The following WDR86 variants were observed in gnomAD, a reference collection of about 807,000 sequenced individuals.
The protein encoded by WDR86 is WD repeat-containing protein 86.
A neutral mutation model predicts 36.5 loss-of-function variants in WDR86; 30 were observed. The ratio of observed to expected loss-of-function variants is 0.82; its 90% confidence interval spans 0.61 to 1.11. The LOEUF (loss-of-function observed/expected upper bound fraction) is 1.11, where lower values mean the gene tolerates loss of function less well. Among genes scored for constraint, WDR86 ranks in the 50% most tolerant of loss-of-function variants. The pLI, the probability that WDR86 is intolerant of heterozygous loss-of-function variation, is 0.00. For missense variants in WDR86, 545 were observed against 561.2 expected (o/e 0.97, Z 0.29); for synonymous variants, 255 against 252.9 (o/e 1.01, Z -0.08).
intron 2 of WDR86, among the ~76,000 whole-genome samples, chr7:151,398,847 T>C (rs902530388): frequency 2.0e-5 from 3 of 152,168 alleles, no homozygotes; most frequent in Non-Finnish European, 4.4e-5. Flanking sequence ...GGCCCACTGG[T>C]CACTGCAGGC....
intron 1 of WDR86, among the ~76,000 whole-genome samples, chr7:151,400,782 T>C (rs1015877002): frequency 2.0e-5 from 3 of 152,184 alleles, no homozygotes; most frequent in African/African-American, 7.2e-5. Context: ...AGTAACCATG[T>C]CCTCAGGACG....
rs71198714 is a variant in WDR86 at position 151,402,047 on chromosome 7, C to CAAAA, written c.164-1810_164-1807dup. ...TGGGTGACAGAGCAAAACTCTGCCT[C>CAAAA]AAAAAAAAAAAAAAAAAAAAAAAAT... On this transcript the variant is annotated intron_variant, in intron 1 of 5. Coordinates refer to ENST00000334493, the MANE Select transcript of WDR86 (RefSeq NM_198285.3). Among the ~76,000 whole-genome samples, 11 of 14,934 alleles carry CAAAA rather than the reference C, an allele frequency of 7.4e-4. 1 individual carries two copies. Among genetic ancestry groups the CAAAA allele is most frequent in the Non-Finnish European group, 7.9e-4 (7 of 8,826 alleles). 9.8% of individuals were successfully genotyped at this position (14,934 alleles called of 152,430 possible). A position where few individuals can be genotyped will look rare whatever the true frequency, so the allele number is the denominator to read the frequency against.
At chr7:151,371,515 G>A (rs1797957714), downstream of WDR86, among the ~76,000 whole-genome samples, 2 of 152,178 alleles carry the variant, frequency 1.3e-5, no homozygotes, top group South Asian at 4.2e-4. Context: ...GCTCAGGCCT[G>A]TGGCAAGAGA....
In WDR86 at chr7:151,405,219, G is replaced by A. The variant is rs748049473; in HGVS notation, c.163+4208C>T. ...TGGGTTAGAAAAGAGGGAGCCCACC[G>A]TGGGTTCCGACAAGTGGGAGCCGCA... On this transcript the variant is annotated intron_variant, in intron 1 of 5. Transcript: ENST00000334493. This position sits in a 1 kb window ranked among gnomAD's most constrained non-coding sequence, Gnocchi z 4.7. Among the ~76,000 whole-genome samples, 17 of 151,430 alleles carry A rather than the reference G, an allele frequency of 1.1e-4. No homozygotes were observed. Among genetic ancestry groups the A allele is most frequent in the Admixed American group, 8.5e-4 (13 of 15,214 alleles).
At chr7:151,377,230 T>C (rs1179130590), downstream of WDR86, 1 of 1,518,956 alleles carries the variant, frequency 6.6e-7, no homozygotes, top group African/African-American at 1.4e-5. Flanking sequence ...AACTAAATAA[T>C]GAACAGAAAT....
intron 3 of WDR86, among the ~76,000 whole-genome samples, chr7:151,389,543 T>C (rs1799257859): frequency 6.6e-6 from 1 of 152,158 alleles, no homozygotes; most frequent in Non-Finnish European, 1.5e-5. Flanking sequence ...ACACGCTTCT[T>C]CGGCAAAACG....
In WDR86 at chr7:151,401,432, C is replaced by A. The variant is rs889688908; in HGVS notation, c.164-1191G>T. 3.9e-5 allele frequency among the ~76,000 whole-genome samples: 6 copies of A among 152,200 alleles called. No individual in the cohort carries two copies. Among genetic ancestry groups the A allele is most frequent in the Non-Finnish European group, 7.3e-5 (5 of 68,038 alleles). ...CCCTCCTCTCCTTCCCTCCTCATTTCTTTATCATCTCCTTTTAGTCTTTTT... is the reference window on the plus strand; with the variant it reads ...CCCTCCTCTCCTTCCCTCCTCATTTATTTATCATCTCCTTTTAGTCTTTTT... On this transcript the variant is annotated intron_variant, in intron 1 of 5. Coordinates refer to ENST00000334493, the MANE Select transcript of WDR86 (RefSeq NM_198285.3). This position sits in a 1 kb window ranked among gnomAD's most constrained non-coding sequence, Gnocchi z 4.3.
chr7:151,374,198 G>A, downstream of WDR86: 1 of 1,571,418 alleles, frequency 6.4e-7, no homozygotes, highest in Admixed American at 1.9e-5. Flanking sequence ...ACGCGGCCCA[G>A]CAGGTACTCC....
At chr7:151,408,062 T>C (rs1247626217) in intron 1 of WDR86, among the ~76,000 whole-genome samples, 1 of 152,164 alleles carries the variant, frequency 6.6e-6, no homozygotes, top group African/African-American at 2.4e-5. Flanking sequence ...GTGTGGCTGT[T>C]TGGGGGGGAT....
chr7:151,395,755 CG>C lies in WDR86; in HGVS notation c.726+20del. The stretch of plus-strand genomic sequence containing the variant: ...GACCTGGGCTCCCCTGGCTGCTGGG[CG>C]GGGACCAGGACAGTCTCACCTCCAG... On this transcript the variant is annotated intron_variant, in intron 3 of 5. Coordinates refer to ENST00000334493, the MANE Select transcript of WDR86 (RefSeq NM_198285.3). 1 of 1,530,408 alleles carries C rather than the reference CG, an allele frequency of 6.5e-7. No homozygotes were observed. The highest frequency in any genetic ancestry group is 1.4e-5 in the African/African-American group (1 of 72,892). The allele number at this position is 1,530,408 out of a possible 1,614,324, so 94.8% of individuals were successfully genotyped here.
At chr7:151,393,882 G>A (rs1799617858) in intron 3 of WDR86, among the ~76,000 whole-genome samples, 1 of 152,164 alleles carries the variant, frequency 6.6e-6, no homozygotes, top group Non-Finnish European at 1.5e-5. Context: ...GAGGGCCGGG[G>A]AGCGTGAAGA....
chr7:151,395,940 T>C lies in WDR86; in HGVS notation c.562A>G (p.Thr188Ala), dbSNP rs1438746269. 6.3e-7 allele frequency: 1 copy of C among 1,593,376 alleles called. No individual in the cohort carries two copies. Among genetic ancestry groups the C allele is most frequent in the East Asian group, 2.3e-5 (1 of 43,858 alleles). Reference protein sequence around the residue: ...WQVASGCCHQTLRGHTGAVLC... With the variant: ...WQVASGCCHQALRGHTGAVLC... ...ACTGCACCCGTGTGGCCCCGCAGCG[T>C]CTGGTGGCAGCAGCCGCTGGCCACC... Residue 188 changes from threonine (T) to alanine (A), a missense_variant, in exon 3 of 6, where the codon ACG (threonine) becomes GCG (alanine). Transcript: ENST00000334493.
downstream of WDR86, among the ~76,000 whole-genome samples, chr7:151,378,746 C>A (rs1219631236): frequency 6.6e-6 from 1 of 152,212 alleles, no homozygotes; most frequent in Non-Finnish European, 1.5e-5. Context: ...GACACAATGC[C>A]ACACTTGGAT....
At chr7:151,404,406 T>C (rs1311876193) in intron 1 of WDR86, among the ~76,000 whole-genome samples, 1 of 152,110 alleles carries the variant, frequency 6.6e-6, no homozygotes, top group African/African-American at 2.4e-5. Flanking sequence ...CACGCCCAAG[T>C]GAGTCACGGG....
intron 1 of WDR86, among the ~76,000 whole-genome samples, chr7:151,404,451 C>T (rs954493777): frequency 6.6e-6 from 1 of 152,170 alleles, no homozygotes; most frequent in Non-Finnish European, 1.5e-5. Context: ...TCCCCAACCC[C>T]AACCCCTATG....
In WDR86 at chr7:151,406,693, C is replaced by T. The variant is rs541917612; in HGVS notation, c.163+2734G>A. Among the ~76,000 whole-genome samples, 19 of 152,242 alleles carry T rather than the reference C, an allele frequency of 1.2e-4. No homozygotes were observed. The highest frequency in any genetic ancestry group is 3.9e-4 in the African/African-American group (16 of 41,544). On this transcript the variant is annotated intron_variant, in intron 1 of 5. Transcript: ENST00000334493. The surrounding 1 kb of genome is among the most constrained non-coding windows in gnomAD (Gnocchi z 4.4). ...CAAGTCCTGCCACCGCACCACGCCT[C>T]GAGGGATGTTGGCGACAGCACCCAC...
intron 2 of WDR86, among the ~76,000 whole-genome samples, chr7:151,397,363 C>G (rs984453985): frequency 2.0e-5 from 3 of 152,238 alleles, no homozygotes; most frequent in African/African-American, 4.8e-5. Context: ...CAAATGCCAA[C>G]TATCCCTTTC....
At chr7:151,369,913 C>T in the WDR86 span, among the ~76,000 whole-genome samples, 1 of 152,192 alleles carries the variant, frequency 6.6e-6, no homozygotes, top group Non-Finnish European at 1.5e-5. Context: ...TGTTTGCCTA[C>T]CTGATGCCAG....
rs1412099184 is a variant in WDR86 at position 151,395,807 on chromosome 7, C to T, written c.695G>A (p.Arg232Gln). 2.0e-5 allele frequency: 31 copies of T among 1,568,448 alleles called. No homozygotes were observed. The highest frequency in any genetic ancestry group is 3.7e-5 in the Admixed American group (2 of 53,712). Residue 232 changes from arginine to glutamine, a missense_variant, in exon 3 of 6, where the codon CGG (arginine) becomes CAG (glutamine). By Grantham distance (43) the Arg-to-Gln change is conservative. Coordinates refer to ENST00000334493, the MANE Select transcript of WDR86 (RefSeq NM_198285.3). ...ILSGEQLRVF[R>Q]EHRGSVICLE... ...ACAGATGACGGAGCCCCGGTGCTCC[C>T]GGAACACCCGCAGCTGCTCCCCACT...
Sources: gnomAD v4.1 joint callset for allele counts (sites outside exome capture counted in the v4.1 genomes callset) on GRCh38, gnomAD v4.1.1 for gene constraint, Gnocchi (gnomAD v3.1) non-coding constraint, MANE v1.5 for transcripts, NCBI Gene and HGNC (gene_info 2026-07-23, HGNC 2026-07-21) for gene names.